ACAP2: variants seen among roughly 807,000 people sequenced by gnomAD.
ACAP2 encodes ArfGAP with coiled-coil, ankyrin repeat and PH domains 2, also known as arf-GAP with coiled-coil, ANK repeat and PH domain-containing protein 2.
ACAP2 carries 39 observed loss-of-function variants against 115.8 expected under a neutral mutation model. The observed-to-expected ratio is 0.34, with a 90% CI of 0.26 to 0.44. The LOEUF (loss-of-function observed/expected upper bound fraction) is 0.44. Ranked by LOEUF, ACAP2 falls within the 20% of genes least tolerant of loss-of-function variation. The pLI is 1.00. For synonymous variants in ACAP2, 289 were observed against 315.8 expected (o/e 0.92, Z 0.90); for missense variants, 662 against 927.6 (o/e 0.71, Z 3.72).
chr3:195,318,659 G>A (rs1729246164), intron 10 of ACAP2, among the ~76,000 whole-genome samples: 2 of 152,292 alleles, frequency 1.3e-5, no homozygotes, highest in South Asian at 4.1e-4. Context: ...ACATTCAAGA[G>A]GTGACTTGGA....
intron 17 of ACAP2, 151 bp downstream of exon 17, chr3:195,295,553 TTTAA>T: frequency 1.2e-6 from 1 of 811,646 alleles, no homozygotes; most frequent in Non-Finnish European, 1.9e-6. Context: ...AGTTAACTAT[TTTAA>T]AGACACAGAA....
At chr3:195,333,878 G>A (rs1560254840) in intron 7 of ACAP2, among the ~76,000 whole-genome samples, 2 of 152,154 alleles carry the variant, frequency 1.3e-5, no homozygotes, top group East Asian at 3.9e-4. Context: ...CCTAAAGTAG[G>A]AGAACGCTGG....
At chr3:195,356,383 A>G (rs1367873986) in intron 4 of ACAP2, among the ~76,000 whole-genome samples, 3 of 152,180 alleles carry the variant, frequency 2.0e-5, no homozygotes. Flanking sequence ...GGGGTCCTAA[A>G]TAACAGTAAA....
intron 1 of ACAP2, among the ~76,000 whole-genome samples, chr3:195,403,236 C>T (rs780826850): frequency 2.6e-5 from 4 of 152,060 alleles, no homozygotes; most frequent in Non-Finnish European, 5.9e-5. Flanking sequence ...CCTGTACGGC[C>T]GAAACAGAAC....
chr3:195,346,922 A>G (rs1577335158), intron 4 of ACAP2, among the ~76,000 whole-genome samples: 1 of 152,202 alleles, frequency 6.6e-6, no homozygotes, highest in East Asian at 1.9e-4. Context: ...AAAGTGCAAG[A>G]CTGAGGGGAT....
intron 1 of ACAP2, among the ~76,000 whole-genome samples, chr3:195,396,812 A>G (rs200664390): frequency 6.7e-6 from 1 of 149,784 alleles, no homozygotes; most frequent in East Asian, 1.9e-4. Flanking sequence ...AAAAAAAAAA[A>G]AAGAAGAAGT....
At chr3:195,287,454 G>A (rs781692672) in intron 21 of ACAP2, among the ~76,000 whole-genome samples, 6 of 149,724 alleles carry the variant, frequency 4.0e-5, no homozygotes, top group South Asian at 2.1e-4. Flanking sequence ...AAGTAGCTAC[G>A]ACTACACGCA....
intron 4 of ACAP2, among the ~76,000 whole-genome samples, chr3:195,353,501 G>A (rs1181789990): frequency 6.6e-6 from 1 of 152,068 alleles, no homozygotes. Flanking sequence ...TAACACTGAA[G>A]AAACTAGACT....
chr3:195,387,119 G>A (rs936142659), intron 2 of ACAP2, among the ~76,000 whole-genome samples: 3 of 152,184 alleles, frequency 2.0e-5, no homozygotes, highest in Non-Finnish European at 2.9e-5. Flanking sequence ...AATGAAGAGG[G>A]AGGGAGGCAG....
At chr3:195,382,670 G>A (rs937800162) in intron 2 of ACAP2, among the ~76,000 whole-genome samples, 2 of 152,016 alleles carry the variant, frequency 1.3e-5, no homozygotes, top group African/African-American at 2.4e-5. Context: ...GCAAAGGGGG[G>A]TCACCAAGAA....
At position 195,278,631 on chromosome 3, in the gene ACAP2, A is replaced by C. The variant is rs972447591; in HGVS notation, c.*697T>G. On this transcript the variant is annotated 3_prime_UTR_variant, in exon 23 of 23. Transcript: ENST00000326793. ...GGTTTTTTTTTGTGATTAAAAAAAA[A>C]AAAGAGCTTCTTTTTGCTGCATAAA... is the stretch of plus-strand genomic sequence containing the variant. 1 of 152,126 alleles carries C rather than the reference A, an allele frequency of 6.6e-6. No individual in the cohort carries two copies. The highest frequency in any genetic ancestry group is 2.4e-5 in the African/African-American group (1 of 41,434). The allele number at this position is 152,126 out of a possible 1,614,324, so 9.4% of individuals were successfully genotyped here.
At chr3:195,313,875 G>T (rs1728916063) in intron 10 of ACAP2, among the ~76,000 whole-genome samples, 1 of 152,226 alleles carries the variant, frequency 6.6e-6, no homozygotes, top group Non-Finnish European at 1.5e-5. Flanking sequence ...ATTTGAGCCT[G>T]AAAGGAAGCT....
At chr3:195,406,613 T>C (rs1027445375) in intron 1 of ACAP2, among the ~76,000 whole-genome samples, 1 of 152,172 alleles carries the variant, frequency 6.6e-6, no homozygotes, top group African/African-American at 2.4e-5. Flanking sequence ...TTTACAGGGG[T>C]AAGCCTTCTT....
chr3:195,423,518 G>C (rs1166569405), intron 1 of ACAP2, among the ~76,000 whole-genome samples: 1 of 151,434 alleles, frequency 6.6e-6, no homozygotes, highest in African/African-American at 2.4e-5. Context: ...AGCTACTTGG[G>C]AGGTTGAGGC....
At chr3:195,400,228 GTA>G (rs113439281) in intron 1 of ACAP2, among the ~76,000 whole-genome samples, 24 of 149,384 alleles carry the variant, frequency 1.6e-4, no homozygotes, top group African/African-American at 1.2e-4. Context: ...ATATGTGTGT[GTA>G]TATATATATA....
chr3:195,404,697 A>C (rs960877022), intron 1 of ACAP2, among the ~76,000 whole-genome samples: 1 of 132,690 alleles, frequency 7.5e-6, no homozygotes, highest in Non-Finnish European at 1.5e-5. Context: ...ATACATACAC[A>C]CATATATAGT....
chr3:195,352,897 A>G (rs1296948661), intron 4 of ACAP2, among the ~76,000 whole-genome samples: 2 of 152,054 alleles, frequency 1.3e-5, no homozygotes, highest in East Asian at 3.9e-4. Context: ...CCTGGCCAAC[A>G]TGGTGAAACC....
chr3:195,422,829 A>T (rs1174589035), intron 1 of ACAP2, among the ~76,000 whole-genome samples: 2 of 152,180 alleles, frequency 1.3e-5, no homozygotes, highest in Non-Finnish European at 1.5e-5. Context: ...CCCTTCTTCA[A>T]ATCCAAGGCC....
intron 2 of ACAP2, among the ~76,000 whole-genome samples, chr3:195,388,499 G>GTCAAAC (rs1734444120): frequency 6.6e-6 from 1 of 152,190 alleles, no homozygotes; most frequent in Non-Finnish European, 1.5e-5. Context: ...TATAGGCAAA[G>GTCAAAC]TCAACAAGCT....
Sources: allele counts gnomAD v4.1 joint callset (sites outside exome capture counted in the v4.1 genomes callset), GRCh38; gene constraint gnomAD v4.1.1; transcripts MANE v1.5; gene names NCBI Gene and HGNC (gene_info 2026-07-23, HGNC 2026-07-21).